The following DOCK3 variants were observed in gnomAD, a reference collection of about 807,000 sequenced individuals.
The protein encoded by DOCK3 is dedicator of cytokinesis 3, also known as dedicator of cytokinesis protein 3.
DOCK3 carries 60 observed loss-of-function variants against 265.6 expected under a neutral mutation model. That is an observed-to-expected ratio of 0.23 (90% CI 0.18 to 0.28). DOCK3 has a LOEUF of 0.28. DOCK3 is among the 10% of genes least tolerant of loss of function. The pLI, the probability that DOCK3 is intolerant of heterozygous loss-of-function variation, is 1.00. For missense variants in DOCK3, 1,981 were observed against 2,594.3 expected, an observed-to-expected ratio of 0.76 and a Z score of 5.14; for synonymous variants, 881 against 938.0, an observed-to-expected ratio of 0.94 and a Z score of 1.11.
chr3:50,859,461 C>T (rs925759340), intron 3 of DOCK3, among the ~76,000 whole-genome samples: 1 of 151,958 alleles, frequency 6.6e-6, no homozygotes, highest in Non-Finnish European at 1.5e-5. Flanking sequence ...CGTGATCCAC[C>T]CCCCTCGGCC....
intron 4 of DOCK3, among the ~76,000 whole-genome samples, chr3:50,920,877 T>G (rs1364975348): frequency 6.6e-6 from 1 of 152,222 alleles, no homozygotes; most frequent in Non-Finnish European, 1.5e-5. Context: ...CTTTCTCTTG[T>G]GGGCATTTAG....
intron 12 of DOCK3, among the ~76,000 whole-genome samples, chr3:51,164,466 C>CA (rs1246679408): frequency 1.3e-5 from 2 of 151,748 alleles, no homozygotes; most frequent in Admixed American, 6.6e-5. Context: ...AGTAAAAATA[C>CA]AAAAAAATTA....
In DOCK3 at chr3:51,031,313, A is replaced by C. The variant is rs149562642; in HGVS notation, c.316-33135A>C. 1.6e-3 allele frequency among the ~76,000 whole-genome samples: 244 copies of C among 152,246 alleles called. 2 individuals carry two copies. Among genetic ancestry groups the C allele is most frequent in the African/African-American group, 5.5e-3 (230 of 41,552 alleles). ...ACAAGATCATAAAACCATACTGATC[A>C]CTGCAGTTTTTGTTACGTCTCCAAG... On this transcript the variant is annotated intron_variant, in intron 5 of 52. Coordinates refer to ENST00000266037, the MANE Select transcript of DOCK3 (RefSeq NM_004947.5).
At chr3:51,364,881 T>C (rs1479351392) in intron 49 of DOCK3, among the ~76,000 whole-genome samples, 11 of 152,258 alleles carry the variant, frequency 7.2e-5, no homozygotes, top group African/African-American at 2.4e-4. Flanking sequence ...TTTTGGTTAC[T>C]GTAGCCTTGT....
chr3:51,072,227 G>C (rs1325985362), intron 6 of DOCK3, among the ~76,000 whole-genome samples: 1 of 151,982 alleles, frequency 6.6e-6, no homozygotes, highest in Non-Finnish European at 1.5e-5. Context: ...TATATGGGAG[G>C]GCGGCTGACT....
chr3:51,033,118 G>T (rs1018411373), intron 5 of DOCK3, among the ~76,000 whole-genome samples: 2 of 152,168 alleles, frequency 1.3e-5, no homozygotes, highest in Non-Finnish European at 2.9e-5. Context: ...GAAGGAGCCA[G>T]ATCAGGACTG....
chr3:51,052,832 T>C (rs1433856585), intron 5 of DOCK3, among the ~76,000 whole-genome samples: 2 of 151,896 alleles, frequency 1.3e-5, no homozygotes, highest in Non-Finnish European at 2.9e-5. Flanking sequence ...CTGTGGAATG[T>C]GTTTCATTTC....
At chr3:50,849,157 T>G (rs2046236125) in intron 3 of DOCK3, among the ~76,000 whole-genome samples, 1 of 151,958 alleles carries the variant, frequency 6.6e-6, no homozygotes, top group Non-Finnish European at 1.5e-5. Flanking sequence ...ACTTTAGGCT[T>G]CTGAGAAGCT....
intron 49 of DOCK3, among the ~76,000 whole-genome samples, chr3:51,368,676 C>T (rs1056314755): frequency 6.6e-5 from 10 of 152,344 alleles, no homozygotes; most frequent in Admixed American, 5.2e-4. Context: ...CAGACTTAAA[C>T]GTCCCTGTCT....
intron 5 of DOCK3, among the ~76,000 whole-genome samples, chr3:51,016,521 TTC>T (rs2079252787): frequency 1.2e-5 from 1 of 81,088 alleles, no homozygotes; most frequent in Non-Finnish European, 2.1e-5. Flanking sequence ...TATCATATAT[TTC>T]TATATAATAT....
At chr3:50,993,727 A>T (rs2078187589) in intron 5 of DOCK3, among the ~76,000 whole-genome samples, 1 of 152,232 alleles carries the variant, frequency 6.6e-6, no homozygotes, top group Non-Finnish European at 1.5e-5. Flanking sequence ...AGTAGAATCT[A>T]CACCTCCATC....
At chr3:50,940,523 C>G (rs2108234437) in intron 5 of DOCK3, among the ~76,000 whole-genome samples, 1 of 152,188 alleles carries the variant, frequency 6.6e-6, no homozygotes, top group Admixed American at 6.5e-5. Flanking sequence ...TGGCAGGATT[C>G]TTTTAGATAT....
intron 39 of DOCK3, among the ~76,000 whole-genome samples, chr3:51,349,981 T>C (rs1212618458): frequency 6.6e-6 from 1 of 152,162 alleles, no homozygotes; most frequent in African/African-American, 2.4e-5. Flanking sequence ...GCCTCCCAAG[T>C]ACAGTAAGCC....
chr3:50,719,506 G>A (rs1305313506), intron 1 of DOCK3: 3 of 913,408 alleles, frequency 3.3e-6, no homozygotes, highest in Non-Finnish European at 5.2e-6. Context: ...AGTCGGCAAT[G>A]GTGATCTTCT....
At chr3:51,227,178 CA>C in intron 15 of DOCK3, 104 bp from the exon 16 acceptor site, 2 of 1,371,804 alleles carry the variant, frequency 1.5e-6, no homozygotes, top group East Asian at 4.6e-5. Context: ...TTGCTTAGAG[CA>C]AAAATGAGAC....
chr3:50,825,763 C>T (rs2044723467), intron 2 of DOCK3, among the ~76,000 whole-genome samples: 2 of 152,228 alleles, frequency 1.3e-5, no homozygotes, highest in Admixed American at 1.3e-4. Flanking sequence ...AAGGGGAAGG[C>T]CTTAAAGATG....
chr3:50,726,934 AG>A (rs1269454371), intron 1 of DOCK3, among the ~76,000 whole-genome samples: 4 of 152,216 alleles, frequency 2.6e-5, no homozygotes, highest in East Asian at 3.8e-4. Flanking sequence ...TCCATGAGAA[AG>A]CTTGATCATT....
At chr3:51,320,962 GTGTT>G (rs2083685886) in intron 32 of DOCK3, among the ~76,000 whole-genome samples, 1 of 152,218 alleles carries the variant, frequency 6.6e-6, no homozygotes, top group Non-Finnish European at 1.5e-5. Context: ...TCCCACCACA[GTGTT>G]TGAGCTCTGC....
At chr3:50,739,368 T>C (rs1454618852) in intron 1 of DOCK3, among the ~76,000 whole-genome samples, 2 of 152,130 alleles carry the variant, frequency 1.3e-5, no homozygotes, top group Non-Finnish European at 2.9e-5. Context: ...TCCCTTTTCA[T>C]CTGTTTTTTC....
Sources: gnomAD v4.1 joint callset for allele counts (sites outside exome capture counted in the v4.1 genomes callset) on GRCh38, gnomAD v4.1.1 for gene constraint, MANE v1.5 for transcripts, NCBI Gene and HGNC (gene_info 2026-07-23, HGNC 2026-07-21) for gene names.